The following CDK19 variants were observed in gnomAD, a reference collection of about 807,000 sequenced individuals.
CDK19 encodes cyclin-dependent kinase 19.
A neutral mutation model predicts 68.3 loss-of-function variants in CDK19; 20 were observed. The observed-to-expected ratio is 0.29, with a 90% CI of 0.21 to 0.43. The LOEUF (loss-of-function observed/expected upper bound fraction) is 0.43. Among genes scored for constraint, CDK19 ranks in the 20% least tolerant of loss-of-function variants. The probability of loss-of-function intolerance (pLI) is 1.00; values close to 1 mark genes in which losing one functional copy is unlikely to be tolerated. For synonymous variants in CDK19, 221 were observed against 222.8 expected (o/e 0.99, Z 0.07); for missense variants, 339 against 623.5 (o/e 0.54, Z 4.86).
At chr6:110,802,145 T>C (rs549341090) in intron 1 of CDK19, among the ~76,000 whole-genome samples, 3 of 152,264 alleles carry the variant, frequency 2.0e-5, no homozygotes, top group East Asian at 1.9e-4. Flanking sequence ...GAATCAAAAA[T>C]AGAATTACCA....
At chr6:110,620,392 A>C (rs1389187803) in intron 12 of CDK19, among the ~76,000 whole-genome samples, 3 of 151,970 alleles carry the variant, frequency 2.0e-5, no homozygotes, top group Non-Finnish European at 4.4e-5. Context: ...AAACAAAAAA[A>C]CAAACAAACA....
chr6:110,697,146 C>T (rs1039910471), intron 2 of CDK19, among the ~76,000 whole-genome samples: 1 of 151,824 alleles, frequency 6.6e-6, no homozygotes, highest in Admixed American at 6.6e-5. Flanking sequence ...GGCAGAATTG[C>T]TTGAACCCGG....
chr6:110,795,318 A>G (rs530383133), intron 1 of CDK19, among the ~76,000 whole-genome samples: 60 of 152,312 alleles, frequency 3.9e-4, no homozygotes, highest in African/African-American at 1.3e-3. Context: ...CAACTATAAA[A>G]TGGGTAAAGA....
chr6:110,788,170 T>C (rs1000874606), intron 1 of CDK19, among the ~76,000 whole-genome samples: 1 of 151,734 alleles, frequency 6.6e-6, no homozygotes, highest in African/African-American at 2.4e-5. Context: ...TTGTTGTTTG[T>C]TTGTTTTTGA....
intron 1 of CDK19, among the ~76,000 whole-genome samples, chr6:110,776,501 G>A (rs1372541906): frequency 6.6e-6 from 1 of 151,434 alleles, no homozygotes; most frequent in African/African-American, 2.4e-5. Flanking sequence ...GTGTAAGGAA[G>A]CCTGAAGAAG....
intron 1 of CDK19, among the ~76,000 whole-genome samples, chr6:110,752,868 C>T (rs1438045678): frequency 1.3e-5 from 2 of 151,968 alleles, no homozygotes; most frequent in Non-Finnish European, 2.9e-5. Flanking sequence ...ACCTAGCCTA[C>T]TCCTTTTTCT....
chr6:110,663,234 A>T (rs1781723555), intron 4 of CDK19, among the ~76,000 whole-genome samples: 1 of 152,204 alleles, frequency 6.6e-6, no homozygotes, highest in Non-Finnish European at 1.5e-5. Context: ...AGCAATAGAA[A>T]ATGAAGCATT....
intron 1 of CDK19, among the ~76,000 whole-genome samples, chr6:110,775,221 G>A (rs181078342): frequency 2.0e-5 from 3 of 152,240 alleles, no homozygotes; most frequent in Admixed American, 6.5e-5. Flanking sequence ...CTCCAGCCTG[G>A]CAACAGGGTG....
intron 4 of CDK19, among the ~76,000 whole-genome samples, chr6:110,664,837 G>T (rs563501166): frequency 8.5e-5 from 13 of 152,280 alleles, no homozygotes; most frequent in Non-Finnish European, 1.6e-4. Flanking sequence ...TGGATATGAG[G>T]GTAAGTTTTA....
intron 5 of CDK19, among the ~76,000 whole-genome samples, chr6:110,635,570 T>G (rs769246420): frequency 3.9e-5 from 6 of 152,106 alleles, no homozygotes; most frequent in Non-Finnish European, 8.8e-5. Context: ...TATGGAGTCT[T>G]GCTCTGTCGC....
chr6:110,806,667 T>C (rs1308776314), intron 1 of CDK19, among the ~76,000 whole-genome samples: 1 of 152,164 alleles, frequency 6.6e-6, no homozygotes, highest in Non-Finnish European at 1.5e-5. Flanking sequence ...TGTCATAATG[T>C]TTAAGCAATG....
chr6:110,645,767 C>T, intron 4 of CDK19: 1 of 564,870 alleles, frequency 1.8e-6, no homozygotes, highest in East Asian at 4.0e-5. Context: ...GGACAATGAG[C>T]GGCTGTTTTC....
intron 2 of CDK19, among the ~76,000 whole-genome samples, chr6:110,743,749 T>C (rs1287580149): frequency 2.6e-5 from 4 of 152,172 alleles, no homozygotes; most frequent in Non-Finnish European, 4.4e-5. Flanking sequence ...CCCTGGCACA[T>C]AGAAGTCTCT....
chr6:110,731,115 G>A (rs1195284639), intron 2 of CDK19, among the ~76,000 whole-genome samples: 1 of 104,704 alleles, frequency 9.6e-6, no homozygotes, highest in Non-Finnish European at 2.1e-5. Context: ...GAAAAGAAAG[G>A]AAAAGAAAAG....
At chr6:110,811,855 CAAAA>C (rs2115163704) in intron 1 of CDK19, among the ~76,000 whole-genome samples, 1 of 147,720 alleles carries the variant, frequency 6.8e-6, no homozygotes, top group East Asian at 2.0e-4. Context: ...AACGAAAAAA[CAAAA>C]AAAGAACAAC....
At chr6:110,624,059 G>A (rs1313775831) in intron 8 of CDK19, among the ~76,000 whole-genome samples, 1 of 151,624 alleles carries the variant, frequency 6.6e-6, no homozygotes, top group Non-Finnish European at 1.5e-5. Flanking sequence ...GGTTCAGTGA[G>A]GAGAAAAAGC....
chr6:110,804,563 C>G (rs1242764576), intron 1 of CDK19, among the ~76,000 whole-genome samples: 2 of 151,306 alleles, frequency 1.3e-5, no homozygotes, highest in Non-Finnish European at 3.0e-5. Flanking sequence ...ATTGGCCAGG[C>G]TGGTCTCGAA....
chr6:110,720,527 T>C lies in CDK19; in HGVS notation c.204+25599A>G, dbSNP rs532216948. ...TAATTATTTGATGGCATTAGCATGC[T>C]GTTAAACGACAAAAAAGAGAAGCTA... is the stretch of plus-strand genomic sequence containing the variant. On this transcript the variant is annotated intron_variant, in intron 2 of 12. Coordinates refer to ENST00000368911, the MANE Select transcript of CDK19 (RefSeq NM_015076.5). Among the ~76,000 whole-genome samples the C allele has an allele frequency of 3.9e-5, 6 of 152,322 alleles. No individual in the cohort carries two copies. The South Asian group carries it at 1.2e-3, about 32-fold the overall frequency.
intron 1 of CDK19, among the ~76,000 whole-genome samples, chr6:110,783,573 G>A (rs757280399): frequency 4.0e-5 from 6 of 149,680 alleles, no homozygotes; most frequent in Non-Finnish European, 8.9e-5. Flanking sequence ...AGGAGGTGGA[G>A]GTTTCCGTGA....
Sources: gnomAD v4.1 joint callset for allele counts (sites outside exome capture counted in the v4.1 genomes callset) on GRCh38, gnomAD v4.1.1 for gene constraint, MANE v1.5 for transcripts, NCBI Gene and HGNC (gene_info 2026-07-23, HGNC 2026-07-21) for gene names.